TMEM131: variants seen among roughly 807,000 people sequenced by gnomAD.
TMEM131 encodes the protein 2610524E03Rik.
Under a neutral mutation model 211.6 loss-of-function variants are expected in TMEM131, and 66 were observed. That is an observed-to-expected ratio of 0.31 (90% confidence interval 0.26 to 0.38). The LOEUF is 0.38. TMEM131 is among the 10% of genes least tolerant of loss of function. The pLI is 1.00. For missense variants in TMEM131, 2,036 were observed against 2,299.3 expected (o/e 0.89, Z 2.34); for synonymous variants, 844 against 841.3 (o/e 1.00, Z -0.06).
At chr2:97,885,302 C>T (rs1377590430) in intron 4 of TMEM131, among the ~76,000 whole-genome samples, 1 of 118,296 alleles carries the variant, frequency 8.5e-6, no homozygotes, top group Non-Finnish European at 1.8e-5. Context: ...GTCCATTCTC[C>T]TGCCTCAGCC....
chr2:97,852,555 T>C (rs780679537), intron 5 of TMEM131, among the ~76,000 whole-genome samples: 3 of 152,216 alleles, frequency 2.0e-5, no homozygotes, highest in East Asian at 1.9e-4. Flanking sequence ...AGCTGCAGAA[T>C]AGCTGAAAGC....
At chr2:97,787,418 C>T (rs1429919192) in intron 31 of TMEM131, among the ~76,000 whole-genome samples, 1 of 152,190 alleles carries the variant, frequency 6.6e-6, no homozygotes, top group Non-Finnish European at 1.5e-5. Flanking sequence ...AGTGACAGCA[C>T]CTGAGAGGGA....
chr2:97,814,409 A>C (rs1178603598), intron 13 of TMEM131, 21 bp from the exon 14 acceptor site: 1 of 1,556,260 alleles, frequency 6.4e-7, no homozygotes, highest in Non-Finnish European at 8.7e-7. Flanking sequence ...AAACAACAAG[A>C]ACAAAATAAA....
chr2:97,830,051 C>A (rs1468918495), intron 11 of TMEM131, among the ~76,000 whole-genome samples: 3 of 146,212 alleles, frequency 2.1e-5, no homozygotes, highest in African/African-American at 7.6e-5. Flanking sequence ...CCTTAAAATA[C>A]GCTGCAGTAA....
chr2:97,773,951 G>A (rs1023260027), intron 32 of TMEM131, among the ~76,000 whole-genome samples: 1 of 152,214 alleles, frequency 6.6e-6, no homozygotes, highest in East Asian at 1.9e-4. Context: ...GACAGATGGG[G>A]AAGGACGTAC....
At chr2:97,823,830 G>A (rs1682242950) in intron 11 of TMEM131, among the ~76,000 whole-genome samples, 1 of 152,054 alleles carries the variant, frequency 6.6e-6, no homozygotes, top group African/African-American at 2.4e-5. Flanking sequence ...AACTCCCTTG[G>A]GGGTCAACTG....
rs149629190 is a variant in TMEM131, at chr2:97,889,411, C to T, written c.291-1291G>A. ...TTTCTTAGATGTTATGTAACAAAAA[C>T]ATTCTTTGGCGCCTTTAAAACAAGA... On this transcript the variant is annotated intron_variant, in intron 3 of 40. Transcript: ENST00000186436. Among the ~76,000 whole-genome samples, 139 of 152,168 alleles carry T rather than the reference C, an allele frequency of 9.1e-4. 2 individuals carry two copies. The East Asian group carries it at 0.021, about 23-fold the overall frequency.
intron 1 of TMEM131, among the ~76,000 whole-genome samples, chr2:97,971,317 C>A (rs1017324876): frequency 1.3e-5 from 2 of 151,862 alleles, no homozygotes; most frequent in Non-Finnish European, 2.9e-5. Context: ...AGGTGTTCCA[C>A]GTGACAAAAG....
At chr2:97,890,440 T>A (rs1417652082) in intron 3 of TMEM131, among the ~76,000 whole-genome samples, 1 of 152,216 alleles carries the variant, frequency 6.6e-6, no homozygotes, top group East Asian at 1.9e-4. Flanking sequence ...GGATCAAGGA[T>A]AACTCATTCT....
chr2:97,761,808 TG>T, intron 36 of TMEM131: 1 of 478,396 alleles, frequency 2.1e-6, no homozygotes, highest in Non-Finnish European at 3.7e-6. Flanking sequence ...GGTCCACAGG[TG>T]GTAAGAATGA....
intron 2 of TMEM131, among the ~76,000 whole-genome samples, chr2:97,918,235 C>T (rs531295189): frequency 6.6e-6 from 1 of 152,134 alleles, no homozygotes; most frequent in African/African-American, 2.4e-5. Context: ...TGATCCACTG[C>T]GCCCGGCCAA....
intron 2 of TMEM131, among the ~76,000 whole-genome samples, chr2:97,922,935 A>G (rs1300543137): frequency 6.6e-6 from 1 of 152,204 alleles, no homozygotes; most frequent in Non-Finnish European, 1.5e-5. Flanking sequence ...AAAATCGTAT[A>G]CTCTTTGCAA....
chr2:97,757,702 T>C (rs987878190), intron 40 of TMEM131, among the ~76,000 whole-genome samples: 29 of 152,246 alleles, frequency 1.9e-4, no homozygotes, highest in African/African-American at 6.0e-4. Context: ...TGCCGGCTAG[T>C]TGTGATATTT....
intron 33 of TMEM131, among the ~76,000 whole-genome samples, chr2:97,768,776 A>G (rs928869782): frequency 6.6e-6 from 1 of 151,842 alleles, no homozygotes; most frequent in African/African-American, 2.4e-5. Flanking sequence ...TTTTTAACAG[A>G]GATGGGGTTT....
chr2:97,833,929 C>A (rs1265021347), intron 10 of TMEM131, among the ~76,000 whole-genome samples: 1 of 152,154 alleles, frequency 6.6e-6, no homozygotes, highest in South Asian at 2.1e-4. Context: ...TCCCAAAATG[C>A]TGGGATTATA....
In TMEM131 at chr2:97,757,046, G is replaced by A; in HGVS notation, c.*53C>T. The stretch of plus-strand genomic sequence containing the variant: ...CCTTAAAAAGATGTCTCAGAAACTG[G>A]CACATCATGATCTAGACGAGGGCCC... On this transcript the variant is annotated 3_prime_UTR_variant, in exon 41 of 41. Transcript: ENST00000186436. The A allele has an allele frequency of 6.6e-7, 1 of 1,505,754 alleles. No homozygotes were observed. The highest frequency in any genetic ancestry group is 8.9e-7 in the Non-Finnish European group (1 of 1,125,296). The allele number at this position is 1,505,754 out of a possible 1,614,324, so 93.3% of individuals were successfully genotyped here. A position where few individuals can be genotyped will look rare whatever the true frequency, so the allele number is the denominator to read the frequency against.
In TMEM131 at chr2:97,760,838, T is replaced by G. The variant is rs775577428; in HGVS notation, c.4966A>C (p.Asn1656His). ...KAASLPGKNG[N>H]PTFAAVTAGY... ...GCCGTGACTGCAGCAAAAGTGGGGT[T>G]GCCGTTCTTGCCCGGGAGCGAGGCT... is the stretch of plus-strand genomic sequence containing the variant. The change falls in exon 37 of 41, where the codon AAC (asparagine) becomes CAC (histidine). Residue 1656 changes from asparagine to histidine, a missense_variant. Asn to His is a moderately conservative substitution (Grantham distance 68, BLOSUM62 1). Around this residue, in one of 3 missense-constraint regions of TMEM131, gnomAD observed 1,623 missense variants for 1,805.9 expected, o/e 0.90. Transcript: ENST00000186436. 10 of 1,613,930 alleles carry G rather than the reference T, an allele frequency of 6.2e-6. No individual in the cohort carries two copies. The highest frequency in any genetic ancestry group is 1.3e-5 in the African/African-American group (1 of 74,946).
At chr2:97,820,839 G>A (rs984085612) in intron 11 of TMEM131, among the ~76,000 whole-genome samples, 1 of 151,168 alleles carries the variant, frequency 6.6e-6, no homozygotes, top group Non-Finnish European at 1.5e-5. Flanking sequence ...CTGGGCAACA[G>A]AGTGAGACTC....
chr2:97,847,722 T>G (rs1238778648), intron 5 of TMEM131, among the ~76,000 whole-genome samples: 1 of 152,190 alleles, frequency 6.6e-6, no homozygotes, highest in Non-Finnish European at 1.5e-5. Context: ...GAAAAACTGA[T>G]GAAATTCATA....
Sources: gnomAD v4.1 joint callset for allele counts (sites outside exome capture counted in the v4.1 genomes callset) on GRCh38, gnomAD v4.1.1 for gene constraint, gnomAD v4.1.1 regional missense constraint, MANE v1.5 for transcripts, NCBI Gene and HGNC (gene_info 2026-07-23, HGNC 2026-07-21) for gene names.